The following HS3ST5 variants were observed in gnomAD, a reference collection of about 807,000 sequenced individuals.
HS3ST5 encodes heparan sulfate glucosamine 3-O-sulfotransferase 5.
In HS3ST5, 10 loss-of-function variants were observed where a neutral mutation model predicts 25.4. The ratio of observed to expected loss-of-function variants is 0.39; its 90% CI spans 0.24 to 0.67. HS3ST5 has a LOEUF of 0.67. HS3ST5 is among the 30% of genes least tolerant of loss of function. The probability of loss-of-function intolerance (pLI) is 0.44; values close to 1 mark genes in which losing one functional copy is unlikely to be tolerated. For synonymous variants in HS3ST5, 170 were observed against 162.4 expected (o/e 1.05, Z -0.36); for missense variants, 324 against 420.7 (o/e 0.77, Z 2.01).
intron 3 of HS3ST5, among the ~76,000 whole-genome samples, chr6:114,167,865 G>A (rs867095386): frequency 2.6e-5 from 4 of 152,142 alleles, no homozygotes; most frequent in Admixed American, 2.6e-4. Flanking sequence ...TGAGGAAATC[G>A]GCAAGATTGT....
chr6:114,319,326 T>C (rs1164590600), intron 1 of HS3ST5, among the ~76,000 whole-genome samples: 1 of 152,192 alleles, frequency 6.6e-6, no homozygotes, highest in African/African-American at 2.4e-5. Flanking sequence ...GGAATGATTC[T>C]ACAGACAAAT....
At chr6:114,144,113 G>C (rs1393242860) in intron 3 of HS3ST5, among the ~76,000 whole-genome samples, 1 of 152,194 alleles carries the variant, frequency 6.6e-6, no homozygotes. Flanking sequence ...AGTGGCAACT[G>C]TGTTCACCAC....
chr6:114,098,440 ATT>A (rs1197155060), intron 3 of HS3ST5, among the ~76,000 whole-genome samples: 1 of 149,714 alleles, frequency 6.7e-6, no homozygotes, highest in African/African-American at 2.4e-5. Flanking sequence ...ATAAATTAAT[ATT>A]GTCTATATTT....
intron 1 of HS3ST5, among the ~76,000 whole-genome samples, chr6:114,280,036 G>A (rs1774036757): frequency 6.6e-6 from 1 of 151,920 alleles, no homozygotes; most frequent in African/African-American, 2.4e-5. Context: ...AAGGATACAG[G>A]AAGGGAGGCC....
intron 1 of HS3ST5, among the ~76,000 whole-genome samples, chr6:114,229,649 C>T (rs1771480591): frequency 6.6e-6 from 1 of 152,180 alleles, no homozygotes; most frequent in South Asian, 2.1e-4. Flanking sequence ...GGTCATGTGA[C>T]CCCACTTTGG....
intron 2 of HS3ST5, among the ~76,000 whole-genome samples, chr6:114,222,805 A>G (rs1782104062): frequency 6.6e-6 from 1 of 151,854 alleles, no homozygotes. Flanking sequence ...ACTACCATCT[A>G]GAATTTACTC....
intron 3 of HS3ST5, among the ~76,000 whole-genome samples, chr6:114,153,015 C>T (rs1482232914): frequency 6.6e-6 from 1 of 152,184 alleles, no homozygotes; most frequent in Non-Finnish European, 1.5e-5. Flanking sequence ...CTTGACTCTA[C>T]AAGGAGTTGA....
chr6:114,174,300 G>C (rs1779613511), intron 2 of HS3ST5, among the ~76,000 whole-genome samples: 1 of 151,914 alleles, frequency 6.6e-6, no homozygotes, highest in South Asian at 2.1e-4. Context: ...TTACAACCCT[G>C]TTCTCTCCAA....
chr6:114,302,292 T>C (rs1280104928), intron 1 of HS3ST5, among the ~76,000 whole-genome samples: 1 of 152,228 alleles, frequency 6.6e-6, no homozygotes, highest in Non-Finnish European at 1.5e-5. Flanking sequence ...CAGTAATCTA[T>C]CCTTGCTGAA....
At chr6:114,337,223 A>G (rs902193068) in intron 1 of HS3ST5, among the ~76,000 whole-genome samples, 4 of 152,232 alleles carry the variant, frequency 2.6e-5, no homozygotes, top group African/African-American at 7.2e-5. Flanking sequence ...AAACTGTGCA[A>G]TTATAAAGAC....
At chr6:114,089,895 T>C (rs1775033129) in intron 3 of HS3ST5, among the ~76,000 whole-genome samples, 1 of 152,208 alleles carries the variant, frequency 6.6e-6, no homozygotes, top group South Asian at 2.1e-4. Context: ...AAAACGTTTC[T>C]TTTAATAGCT....
chr6:114,235,628 A>G (rs1277333203), intron 1 of HS3ST5: 1 of 152,212 alleles, frequency 6.6e-6, no homozygotes, highest in Non-Finnish European at 1.5e-5. Flanking sequence ...TTTCTTCTTA[A>G]GAGGATGCAC....
chr6:114,101,697 G>A (rs561894722), intron 3 of HS3ST5, among the ~76,000 whole-genome samples: 14 of 152,234 alleles, frequency 9.2e-5, no homozygotes, highest in African/African-American at 2.6e-4. Context: ...TCCCATTATT[G>A]GGTACATATC....
At chr6:114,287,536 T>A (rs1383673885) in intron 1 of HS3ST5, among the ~76,000 whole-genome samples, 1 of 152,060 alleles carries the variant, frequency 6.6e-6, no homozygotes, top group Non-Finnish European at 1.5e-5. Context: ...TAACCTGTTG[T>A]TTAATCCATG....
At chr6:114,145,153 T>A (rs1354156374) in intron 3 of HS3ST5, among the ~76,000 whole-genome samples, 1 of 152,208 alleles carries the variant, frequency 6.6e-6, no homozygotes, top group Non-Finnish European at 1.5e-5. Context: ...TGGTATTCTG[T>A]CCACATTCCT....
chr6:114,133,454 T>C (rs939436867), intron 3 of HS3ST5, among the ~76,000 whole-genome samples: 9 of 152,232 alleles, frequency 5.9e-5, no homozygotes, highest in African/African-American at 2.2e-4. Flanking sequence ...AGTTGCACTT[T>C]AGCTAGATTT....
intron 3 of HS3ST5, among the ~76,000 whole-genome samples, chr6:114,139,785 C>T (rs1777815964): frequency 1.3e-5 from 2 of 152,146 alleles, no homozygotes; most frequent in African/African-American, 2.4e-5. Context: ...CAAGAGACCA[C>T]CTGGGTTCTG....
At chr6:114,223,725 C>G (rs561864086) in intron 2 of HS3ST5, among the ~76,000 whole-genome samples, 1 of 151,716 alleles carries the variant, frequency 6.6e-6, no homozygotes, top group South Asian at 2.1e-4. Flanking sequence ...CGTGGAACCT[C>G]TTTTTGTTGA....
At chr6:114,062,671 A>G (rs1773197731) in intron 4 of HS3ST5, 68 bp downstream of exon 4, 6 of 955,482 alleles carry the variant, frequency 6.3e-6, no homozygotes, top group South Asian at 3.0e-5. Context: ...ACTTAAAATT[A>G]TGTCCTAAGG....
Sources: allele counts gnomAD v4.1 joint callset (sites outside exome capture counted in the v4.1 genomes callset), GRCh38; gene constraint gnomAD v4.1.1; transcripts MANE v1.5; gene names NCBI Gene and HGNC (gene_info 2026-07-23, HGNC 2026-07-21).